CRMP1: variants seen among roughly 807,000 people sequenced by gnomAD.
CRMP1 encodes collapsin response mediator protein 1, also known as dihydropyrimidinase-related protein 1.
CRMP1 carries 19 observed loss-of-function variants against 68.3 expected under a neutral mutation model. That is an observed-to-expected ratio of 0.28 (90% CI 0.19 to 0.41). The LOEUF (loss-of-function observed/expected upper bound fraction) is 0.41, where lower values mean the gene tolerates loss of function less well. Ranked by LOEUF, CRMP1 falls within the 10% of genes least tolerant of loss-of-function variation. The probability of loss-of-function intolerance (pLI) is 1.00; values close to 1 mark genes in which losing one functional copy is unlikely to be tolerated. For missense variants in CRMP1, 791 were observed against 967.4 expected, an observed-to-expected ratio of 0.82 and a Z score of 2.42; for synonymous variants, 439 against 399.6, an observed-to-expected ratio of 1.10 and a Z score of -1.18.
At position 5,889,803 on chromosome 4, in the gene CRMP1, G is replaced by T; in HGVS notation, c.381+2786C>A. 1 of 1,518,198 alleles carries T rather than the reference G, an allele frequency of 6.6e-7. No homozygotes were observed. The highest frequency in any genetic ancestry group is 8.8e-7 in the Non-Finnish European group (1 of 1,136,012). 94.0% of individuals were successfully genotyped at this position (1,518,198 alleles called of 1,614,324 possible). On this transcript the variant is annotated intron_variant, in intron 1 of 13. Transcript: ENST00000324989. This position sits in a 1 kb window ranked among gnomAD's most constrained non-coding sequence, Gnocchi z 4.5. ...GGCCCTGACCTTCACCACCCCAGGG[G>T]CCAGTCCCCTAATCCAGGGCAGGAG...
At chr4:5,856,386 T>A in intron 3 of CRMP1, 79 bp from the exon 4 acceptor site, 2 of 1,257,984 alleles carry the variant, frequency 1.6e-6, no homozygotes. Flanking sequence ...ACTACCACCA[T>A]CATCACCATC....
intron 9 of CRMP1, among the ~76,000 whole-genome samples, chr4:5,839,054 AGG>A (rs1405396185): frequency 1.3e-5 from 2 of 152,238 alleles, no homozygotes; most frequent in African/African-American, 4.8e-5. Flanking sequence ...AGTGTGCTGC[AGG>A]CAGCAGCGGC....
At chr4:5,837,800 G>A (rs1720830831) in intron 9 of CRMP1, among the ~76,000 whole-genome samples, 1 of 152,136 alleles carries the variant, frequency 6.6e-6, no homozygotes, top group Non-Finnish European at 1.5e-5. Flanking sequence ...TTGCCTAGAT[G>A]CAGAGGAGTA....
Position 5,834,331 on chromosome 4 carries a change from C to G in CRMP1, c.1623+1584G>C, listed in dbSNP as rs568314736. The stretch of plus-strand genomic sequence containing the variant: ...CTGATTAGGTCATGAAGGCTCTGCC[C>G]TCATTAATGGTTAATGCTATTATCA... On this transcript the variant is annotated intron_variant, in intron 11 of 13. Coordinates refer to ENST00000324989, the MANE Select transcript of CRMP1 (RefSeq NM_001014809.3). The surrounding 1 kb of genome is among the most constrained non-coding windows in gnomAD (Gnocchi z 4.3). Among the ~76,000 whole-genome samples the G allele has an allele frequency of 2.0e-5, 3 of 152,312 alleles. No individual in the cohort carries two copies. Among genetic ancestry groups the G allele is most frequent in the Admixed American group, 1.3e-4 (2 of 15,300 alleles).
At chr4:5,882,306 T>G (rs1032945057) in intron 1 of CRMP1, among the ~76,000 whole-genome samples, 1 of 152,200 alleles carries the variant, frequency 6.6e-6, no homozygotes, top group Non-Finnish European at 1.5e-5. Context: ...TCAGCCTGGG[T>G]CTCAAAGTGA....
chr4:5,856,380 CCACCATCAT>C (rs1281739829), intron 3 of CRMP1, 73 bp from the exon 4 acceptor site: 7 of 1,343,736 alleles, frequency 5.2e-6, no homozygotes, highest in Middle Eastern at 3.7e-4. Context: ...ATTACCACTA[CCACCATCAT>C]CACCATCATT....
rs114151209 is a variant in CRMP1 at position 5,876,425 on chromosome 4, G to A, written c.382-9669C>T. 2.4e-3 allele frequency among the ~76,000 whole-genome samples: 372 copies of A among 152,170 alleles called. 2 individuals are homozygous for A. The highest frequency in any genetic ancestry group is 8.4e-3 in the African/African-American group (348 of 41,522). On this transcript the variant is annotated intron_variant, in intron 1 of 13. Transcript: ENST00000324989. The stretch of plus-strand genomic sequence containing the variant: ...TCAGAGGCCACGCAAATTCAGATGA[G>A]GTTACCTGATTCCTCAGTGGGAAGG...
intron 1 of CRMP1, among the ~76,000 whole-genome samples, chr4:5,884,517 G>A (rs1326369486): frequency 1.3e-5 from 2 of 148,362 alleles, no homozygotes; most frequent in African/African-American, 2.5e-5. Context: ...TTCCTAGCAC[G>A]CAGACCAGCC....
intron 2 of CRMP1, among the ~76,000 whole-genome samples, chr4:5,862,719 C>A (rs186124435): frequency 2.2e-4 from 33 of 152,308 alleles, no homozygotes; most frequent in African/African-American, 7.7e-4. Context: ...CGGACCTACA[C>A]GTGAGTGTCA....
At position 5,836,815 on chromosome 4, in the gene CRMP1, C is replaced by T. The variant is rs1265502252; in HGVS notation, c.1402G>A (p.Gly468Ser). The T allele has an allele frequency of 6.2e-7, 1 of 1,614,044 alleles. No homozygotes were observed. Residue 468 changes from glycine to serine, a missense_variant, in exon 10 of 14, where the codon GGT becomes AGT. Gly to Ser is a moderately conservative substitution (Grantham distance 56). Transcript: ENST00000324989. ...ATCCGCTCCTCTATCCCGTTGACACCCTCGGGGATCAGGGTAAAGTTGTCC... is the reference window on the plus strand; with the variant it reads ...ATCCGCTCCTCTATCCCGTTGACACTCTCGGGGATCAGGGTAAAGTTGTCC... ...GKDNFTLIPE[G>S]VNGIEERMTV...
intron 6 of CRMP1, among the ~76,000 whole-genome samples, chr4:5,848,415 A>G (rs574920480): frequency 6.6e-6 from 1 of 151,976 alleles, no homozygotes; most frequent in East Asian, 1.9e-4. Flanking sequence ...CTGGTCTCAC[A>G]CTCTTGGCCT....
intron 1 of CRMP1, among the ~76,000 whole-genome samples, chr4:5,874,538 G>A (rs375120946): frequency 4.6e-5 from 7 of 152,208 alleles, no homozygotes; most frequent in African/African-American, 1.7e-4. Context: ...GGAGTTCTGC[G>A]TATTTCATCT....
rs959272777 is a variant in CRMP1, at chr4:5,854,526, T to C, written c.820+1617A>G. 6.6e-6 allele frequency among the ~76,000 whole-genome samples: 1 copy of C among 151,230 alleles called. No homozygotes were observed. Among genetic ancestry groups the C allele is most frequent in the African/African-American group, 2.4e-5 (1 of 41,114 alleles). ...TCCCGAAGTGCTAGGATTACAGGCATGAGCCACCATGGCCAATAATGCCTT... is the reference window on the plus strand; with the variant it reads ...TCCCGAAGTGCTAGGATTACAGGCACGAGCCACCATGGCCAATAATGCCTT... On this transcript the variant is annotated intron_variant, in intron 4 of 13. Transcript: ENST00000324989. This position sits in a 1 kb window ranked among gnomAD's most constrained non-coding sequence, Gnocchi z 4.0.
chr4:5,837,420 C>A (rs908202056), intron 9 of CRMP1, among the ~76,000 whole-genome samples: 1 of 147,656 alleles, frequency 6.8e-6, no homozygotes, highest in Non-Finnish European at 1.5e-5. Context: ...GTCAGGAGAT[C>A]GGGACCAGCC....
rs1243731668 is a variant in CRMP1, at chr4:5,821,786, G to A, written c.2035C>T (p.Arg679Cys). 2 of 1,611,274 alleles carry A rather than the reference G, an allele frequency of 1.2e-6. No homozygotes were observed. The highest frequency in any genetic ancestry group is 1.1e-5 in the South Asian group (1 of 90,426). The stretch of plus-strand genomic sequence containing the variant: ...CAACCGAGGCTGGTGATGTTGGAGC[G>A]GCCACCAGGGGGCGCCACGATGCGG... ...GHRIVAPPGG[R>C]SNITSLG Residue 679 changes from arginine to cysteine, a missense_variant, in exon 14 of 14, where the codon CGC becomes TGC. Around this residue, in one of 3 missense-constraint regions of CRMP1, gnomAD observed 594 missense variants for 763.6 expected, o/e 0.78. Transcript: ENST00000324989. The surrounding 1 kb of genome is among the most constrained non-coding windows in gnomAD (Gnocchi z 4.4).
At chr4:5,851,538 C>T (rs936963798) in intron 4 of CRMP1, 69 bp from the exon 5 acceptor site, 4 of 1,462,726 alleles carry the variant, frequency 2.7e-6, no homozygotes, top group Non-Finnish European at 3.8e-6. Context: ...TCCAATAAAT[C>T]AATGACCACA....
chr4:5,826,009 G>A (rs989890374), intron 12 of CRMP1: 124 of 337,760 alleles, frequency 3.7e-4, no homozygotes, highest in Non-Finnish European at 4.6e-4. Context: ...GCGTGAACAC[G>A]CACACACACT....
In CRMP1 at chr4:5,881,400, T is replaced by C. The variant is rs945755447; in HGVS notation, c.381+11189A>G. Among the ~76,000 whole-genome samples the C allele has an allele frequency of 2.0e-5, 3 of 152,118 alleles. No homozygotes were observed. The highest frequency in any genetic ancestry group is 7.2e-5 in the African/African-American group (3 of 41,404). On this transcript the variant is annotated intron_variant, in intron 1 of 13. Coordinates refer to ENST00000324989, the MANE Select transcript of CRMP1 (RefSeq NM_001014809.3). The surrounding 1 kb of genome is among the most constrained non-coding windows in gnomAD (Gnocchi z 4.6). ...GGACATACTTTCAAATCATATAAAA[T>C]TTTGCAGCATTCTTGAAGGATTAAA...
intron 1 of CRMP1, among the ~76,000 whole-genome samples, chr4:5,876,347 C>T (rs1714829531): frequency 6.6e-6 from 1 of 151,974 alleles, no homozygotes; most frequent in Non-Finnish European, 1.5e-5. Flanking sequence ...CTCCCATGGC[C>T]CCCACTAGAG....
Sources: allele counts gnomAD v4.1 joint callset (sites outside exome capture counted in the v4.1 genomes callset), GRCh38; gene constraint gnomAD v4.1.1; regional missense constraint gnomAD v4.1.1; non-coding constraint Gnocchi (gnomAD v3.1); transcripts MANE v1.5; gene names NCBI Gene and HGNC (gene_info 2026-07-23, HGNC 2026-07-21).